ZNF813: variants seen among roughly 807,000 people sequenced by gnomAD.
ZNF813 encodes the protein zinc finger protein 813.
Under a neutral mutation model 7.2 loss-of-function variants are expected in ZNF813, and 3 were observed. The ratio of observed to expected loss-of-function variants is 0.42; its 90% CI spans 0.19 to 1.08. The LOEUF is 1.08. Ranked by LOEUF, ZNF813 falls within the 50% of genes least tolerant of loss-of-function variation. The pLI, the probability that ZNF813 is intolerant of heterozygous loss-of-function variation, is 0.30. For missense variants in ZNF813, 714 were observed against 753.3 expected (o/e 0.95, Z 0.61); for synonymous variants, 227 against 256.3 (o/e 0.89, Z 1.09).
chr19:53,483,283 C>T lies in ZNF813; in HGVS notation c.-73-467C>T, dbSNP rs369339844. On this transcript the variant is annotated intron_variant, in intron 1 of 3. Transcript: ENST00000396403. ...CTGGTCTTGAACTCCTGAGCTCAAG[C>T]GATCCTCACACCTCAGCCTCCTAAG... is the stretch of plus-strand genomic sequence containing the variant. 1.7e-4 allele frequency among the ~76,000 whole-genome samples: 26 copies of T among 152,058 alleles called. 1 individual carries two copies. The South Asian group carries it at 2.1e-3, about 12-fold the overall frequency.
At position 53,492,191 on chromosome 19, in the gene ZNF813, A is replaced by G; in HGVS notation, c.*105A>G. 3 of 1,490,438 alleles carry G rather than the reference A, an allele frequency of 2.0e-6. No individual in the cohort carries two copies. The highest frequency in any genetic ancestry group is 2.7e-6 in the Non-Finnish European group (3 of 1,104,554). 92.3% of individuals were successfully genotyped at this position (1,490,438 alleles called of 1,614,324 possible). On this transcript the variant is annotated 3_prime_UTR_variant, in exon 4 of 4. Coordinates refer to ENST00000396403, the MANE Select transcript of ZNF813 (RefSeq NM_001004301.4). ...AATTCAGTCCTTGTAATTCATAAGAATTCATACTGGAGAGAAACAAGTGTA... is the reference window on the plus strand; with the variant it reads ...AATTCAGTCCTTGTAATTCATAAGAGTTCATACTGGAGAGAAACAAGTGTA...
At chr19:53,479,391 C>T in intron 1 of ZNF813, 3 of 1,590,472 alleles carry the variant, frequency 1.9e-6, no homozygotes, top group Non-Finnish European at 2.6e-6. Context: ...AGCGCAAGAT[C>T]CAGGTTCTGC....
intron 1 of ZNF813, among the ~76,000 whole-genome samples, chr19:53,470,935 T>C (rs3109122): frequency 3.3e-5 from 5 of 152,146 alleles, no homozygotes; most frequent in East Asian, 1.9e-4. Flanking sequence ...AGTGATGATT[T>C]CAAGTACTGC....
intron 1 of ZNF813, among the ~76,000 whole-genome samples, chr19:53,471,565 T>G (rs2086359019): frequency 6.6e-6 from 1 of 152,088 alleles, no homozygotes; most frequent in Admixed American, 6.5e-5. Context: ...ATCCCAGCAC[T>G]TTGGGAGGCT....
intron 2 of ZNF813, among the ~76,000 whole-genome samples, chr19:53,486,425 C>T (rs2086434195): frequency 1.4e-5 from 2 of 145,940 alleles, no homozygotes; most frequent in South Asian, 4.4e-4. Flanking sequence ...CCAGCCTGGG[C>T]AGCAGAGTGA....
In ZNF813 at chr19:53,479,422, G is replaced by A. The variant is rs372834571; in HGVS notation, c.-73-4328G>A. 48 of 1,572,478 alleles carry A rather than the reference G, an allele frequency of 3.1e-5. No individual in the cohort carries two copies. In the African/African-American group the frequency reaches 5.8e-4, roughly 19 times the overall value. ...TCTGCAGCTGCAGGCAGATGATGAG[G>A]AGTGAGCTGAGCACCTCCAGTGAGA... On this transcript the variant is annotated intron_variant, in intron 1 of 3. Coordinates refer to ENST00000396403, the MANE Select transcript of ZNF813 (RefSeq NM_001004301.4).
In ZNF813 at chr19:53,493,258, T is replaced by C. The variant is rs1343391649; in HGVS notation, c.*1172T>C. The C allele has an allele frequency of 5.3e-6, 1 of 187,966 alleles. No homozygotes were observed. Among genetic ancestry groups the C allele is most frequent in the Non-Finnish European group, 1.1e-5 (1 of 90,310 alleles). 11.6% of individuals were successfully genotyped at this position (187,966 alleles called of 1,614,324 possible). On this transcript the variant is annotated 3_prime_UTR_variant, in exon 4 of 4. Coordinates refer to ENST00000396403, the MANE Select transcript of ZNF813 (RefSeq NM_001004301.4). The stretch of plus-strand genomic sequence containing the variant: ...CTTTTTGTTCTTTAACAAAAACTGA[T>C]AGGGATTTTTATGGGTACCGTGTTG...
chr19:53,471,659 G>A (rs2617699), intron 1 of ZNF813, among the ~76,000 whole-genome samples: 75,274 of 151,128 alleles, frequency 0.5, 18,992 homozygotes, highest in African/African-American at 0.58. Flanking sequence ...AATACAAAAA[G>A]CAATTAGCCA....
At chr19:53,469,535 G>A (rs1264834228) in intron 1 of ZNF813, among the ~76,000 whole-genome samples, 2 of 152,098 alleles carry the variant, frequency 1.3e-5, no homozygotes, top group African/African-American at 2.4e-5. Flanking sequence ...GATTTGCCAA[G>A]AGACAACGAA....
At chr19:53,476,845 G>A (rs1768011567) in intron 1 of ZNF813, among the ~76,000 whole-genome samples, 3 of 151,982 alleles carry the variant, frequency 2.0e-5, no homozygotes, top group Non-Finnish European at 4.4e-5. Flanking sequence ...TGTATTTTAA[G>A]TAGAGACGGG....
At chr19:53,469,489 A>G (rs2086345274) in intron 1 of ZNF813, among the ~76,000 whole-genome samples, 1 of 152,174 alleles carries the variant, frequency 6.6e-6, no homozygotes, top group Admixed American at 6.5e-5. Flanking sequence ...AATGAGAAAG[A>G]CTCATAACAG....
chr19:53,485,657 T>C (rs1249094605), intron 2 of ZNF813, among the ~76,000 whole-genome samples: 6 of 151,764 alleles, frequency 4.0e-5, no homozygotes, highest in South Asian at 4.2e-4. Context: ...TCATGACATA[T>C]ATACACATAC....
At position 53,491,998 on chromosome 19, in the gene ZNF813, A is replaced by C. The variant is rs779164056; in HGVS notation, c.1766A>C (p.Asn589Thr). ...TGTAATGAATGTGGCAAGGTTTTTA[A>C]TCAAAAAGCAAACCTTGCACGTCAT... ...YKCNECGKVF[N>T]QKANLARHHR... The change falls in exon 4 of 4, where the codon AAT becomes ACT. Residue 589 changes from asparagine (N) to threonine (T), a missense_variant. Around this residue, in one of 3 missense-constraint regions of ZNF813, gnomAD observed 122 missense variants for 146.8 expected, o/e 0.83. Transcript: ENST00000396403. 1.7e-5 allele frequency: 27 copies of C among 1,613,726 alleles called. No individual in the cohort carries two copies. The highest frequency in any genetic ancestry group is 1.7e-4 in the Admixed American group (10 of 59,988).
chr19:53,489,096 T>G (rs2147162655), intron 3 of ZNF813, among the ~76,000 whole-genome samples: 1 of 152,086 alleles, frequency 6.6e-6, no homozygotes, highest in Admixed American at 6.5e-5. Context: ...AACCTCTGCC[T>G]CCTGGGTTCA....
intron 1 of ZNF813, among the ~76,000 whole-genome samples, chr19:53,481,065 G>T (rs2086405930): frequency 6.6e-6 from 1 of 152,146 alleles, no homozygotes; most frequent in Non-Finnish European, 1.5e-5. Context: ...ATGATCTATA[G>T]ATGTGTCAGT....
At chr19:53,468,304 A>G (rs1327785005) in intron 1 of ZNF813, among the ~76,000 whole-genome samples, 1 of 137,896 alleles carries the variant, frequency 7.3e-6, no homozygotes, top group Non-Finnish European at 1.5e-5. Context: ...CCCTGAGCCC[A>G]CGTTGGGGAG....
chr19:53,487,797 C>CAA (rs35942754), intron 3 of ZNF813, among the ~76,000 whole-genome samples: 57,215 of 129,524 alleles, frequency 0.44, 12,542 homozygotes, highest in Non-Finnish European at 0.49. Context: ...GACTCTGTCT[C>CAA]AAAAAAAAAA....
intron 1 of ZNF813, among the ~76,000 whole-genome samples, chr19:53,473,534 G>A (rs931839640): frequency 1.3e-5 from 2 of 152,200 alleles, no homozygotes; most frequent in Non-Finnish European, 1.5e-5. Context: ...GACTGTGGTG[G>A]ATCTACGGCA....
At chr19:53,473,634 T>C (rs1002826473) in intron 1 of ZNF813, among the ~76,000 whole-genome samples, 2 of 152,232 alleles carry the variant, frequency 1.3e-5, no homozygotes, top group African/African-American at 4.8e-5. Context: ...TGGATTCTAC[T>C]TTTTAACCTA....
Sources: allele counts gnomAD v4.1 joint callset (sites outside exome capture counted in the v4.1 genomes callset), GRCh38; gene constraint gnomAD v4.1.1; regional missense constraint gnomAD v4.1.1; transcripts MANE v1.5; gene names NCBI Gene and HGNC (gene_info 2026-07-23, HGNC 2026-07-21).